SNX22: variants seen among roughly 807,000 people sequenced by gnomAD.
The protein encoded by SNX22 is sorting nexin-22.
A neutral mutation model predicts 24.7 loss-of-function variants in SNX22; 23 were observed. That is an observed-to-expected ratio of 0.93 (90% CI 0.67 to 1.32). The LOEUF (loss-of-function observed/expected upper bound fraction) is 1.32. Among genes scored for constraint, SNX22 ranks in the 40% most tolerant of loss-of-function variants. SNX22 has a pLI of 0.00. For synonymous variants in SNX22, 99 were observed against 104.0 expected, an observed-to-expected ratio of 0.95 and a Z score of 0.29; for missense variants, 261 against 249.9, an observed-to-expected ratio of 1.04 and a Z score of -0.30.
chr15:64,152,748 C>A lies in SNX22; in HGVS notation c.264+6C>A, dbSNP rs1381840468. 7 of 1,612,998 alleles carry A rather than the reference C, an allele frequency of 4.3e-6. No homozygotes were observed. In the African/African-American group the frequency reaches 8.0e-5, roughly 18 times the overall value. ...GCTTGGAGGCTTACATCCAGGTATG[C>A]GAGAGCACAGTTGGTTGCCCCCCGG... On this transcript the variant is annotated splice_donor_region_variant and intron_variant, in intron 3 of 6. Transcript: ENST00000325881.
At position 64,153,958 on chromosome 15, in the gene SNX22, T is replaced by C. The variant is rs781613508; in HGVS notation, c.416T>C (p.Val139Ala). 8.1e-6 allele frequency: 13 copies of C among 1,613,620 alleles called. No individual in the cohort carries two copies. Among genetic ancestry groups the C allele is most frequent in the Non-Finnish European group, 1.7e-6 (2 of 1,179,946 alleles). ...AGCTCCCAGCAGCACCAGCGGCCTG[T>C]CCTGAGCTTCCATGTGGATCCCTAT... ...DSSSQQHQRP[V>A]LSFHVDPYVC... is the part of the protein sequence containing the mutation. Residue 139 changes from valine to alanine, a missense_variant, in exon 6 of 7, where the codon GTC becomes GCC. Coordinates refer to ENST00000325881, the MANE Select transcript of SNX22 (RefSeq NM_024798.3).
chr15:64,152,689 T>G lies in SNX22; in HGVS notation c.211T>G (p.Trp71Gly). 1 of 1,614,180 alleles carries G rather than the reference T, an allele frequency of 6.2e-7. No individual in the cohort carries two copies. The highest frequency in any genetic ancestry group is 1.3e-5 in the African/African-American group (1 of 75,050). Residue 71 changes from tryptophan (W) to glycine (G), a missense_variant, in exon 3 of 7, where the codon TGG (tryptophan) becomes GGG (glycine). Trp to Gly is a radical substitution (Grantham distance 184). Coordinates refer to ENST00000325881, the MANE Select transcript of SNX22 (RefSeq NM_024798.3). ...PDFPSKRLPNWRTRGLEQRRQ... is the reference protein window; with the variant it reads ...PDFPSKRLPNGRTRGLEQRRQ... ...CTTCCCCTCGAAACGCCTGCCCAAC[T>G]GGAGGACCAGAGGGTTGGAACAGCG... is the stretch of plus-strand genomic sequence containing the variant.
intron 2 of SNX22, 121 bp downstream of exon 2, chr15:64,152,447 G>A (rs1022082676): frequency 1.4e-5 from 18 of 1,279,820 alleles, no homozygotes; most frequent in African/African-American, 3.0e-5. Context: ...CTCAGTCCCT[G>A]CGCAGCCGGT....
Position 64,154,014 on chromosome 15 carries a change from C to A in SNX22, c.460+12C>A, listed in dbSNP as rs2081507380. 6.2e-7 allele frequency: 1 copy of A among 1,614,108 alleles called. No homozygotes were observed. Among genetic ancestry groups the A allele is most frequent in the East Asian group, 2.2e-5 (1 of 44,878 alleles). On this transcript the variant is annotated intron_variant, in intron 6 of 6. Transcript: ENST00000325881. ...CAACCCCTCCCCAGGTGAGGAGGTG[C>A]CTAGATATGGGGCTACAGGGCTGGG... is the stretch of plus-strand genomic sequence containing the variant.
chr15:64,156,774 G>T lies in SNX22; in HGVS notation c.*2266G>T. 1.2e-6 allele frequency: 2 copies of T among 1,614,182 alleles called. No individual in the cohort carries two copies. The highest frequency in any genetic ancestry group is 1.7e-6 in the Non-Finnish European group (2 of 1,180,040). ...CACCACATGCTTGCCATCTAGCCAG[G>T]CTGTCTTGACTGTCGTGATGAAGAA... is the stretch of plus-strand genomic sequence containing the variant. On this transcript the variant is annotated 3_prime_UTR_variant, in exon 7 of 7. Transcript: ENST00000325881. The surrounding 1 kb of genome is among the most constrained non-coding windows in gnomAD (Gnocchi z 6.4).
Position 64,154,442 on chromosome 15 carries a change from C to T in SNX22, c.516C>T (p.Ser172=), listed in dbSNP as rs975879038. Residue 172 remains serine, a synonymous_variant, in exon 7 of 7, where the codon AGC becomes AGT. Coordinates refer to ENST00000325881, the MANE Select transcript of SNX22 (RefSeq NM_024798.3). Reference sequence around the variant, plus strand: ...TGCTCCAGGGCCTCTACAGCTTCAGCATCAGCCCAGATAAAGCCCAGCCAA... The same window carrying T: ...TGCTCCAGGGCCTCTACAGCTTCAGTATCAGCCCAGATAAAGCCCAGCCAA... ...NGVLQGLYSF[S]ISPDKAQPKA... is the part of the protein sequence containing the mutation. The T allele has an allele frequency of 3.7e-6, 6 of 1,614,050 alleles. No individual in the cohort carries two copies. In the African/African-American group the frequency reaches 5.3e-5, roughly 14 times the overall value.
rs572867609 is a variant in SNX22, at chr15:64,154,665, G to A, written c.*157G>A. 8.7e-5 allele frequency: 81 copies of A among 935,176 alleles called. No individual in the cohort carries two copies. The highest frequency in any genetic ancestry group is 4.3e-4 in the East Asian group (17 of 39,394). 57.9% of individuals were successfully genotyped at this position (935,176 alleles called of 1,614,324 possible). A position where few individuals can be genotyped will look rare whatever the true frequency, so the allele number is the denominator to read the frequency against. On this transcript the variant is annotated 3_prime_UTR_variant, in exon 7 of 7. Coordinates refer to ENST00000325881, the MANE Select transcript of SNX22 (RefSeq NM_024798.3). ...CCACTCAAGGCTCAGAACTTGGCTC[G>A]CATTGGTAGCTGGAGGTGGTAGAAT...
rs2081495938 is a variant in SNX22 at position 64,152,686 on chromosome 15, A to C, written c.208A>C (p.Asn70His). The C allele has an allele frequency of 6.2e-7, 1 of 1,614,176 alleles. No homozygotes were observed. Among genetic ancestry groups the C allele is most frequent in the East Asian group, 2.2e-5 (1 of 44,876 alleles). Residue 70 changes from asparagine to histidine, a missense_variant, in exon 3 of 7, where the codon AAC becomes CAC. Transcript: ENST00000325881. Reference sequence around the variant, plus strand: ...CGACTTCCCCTCGAAACGCCTGCCCAACTGGAGGACCAGAGGGTTGGAACA... The same window carrying C: ...CGACTTCCCCTCGAAACGCCTGCCCCACTGGAGGACCAGAGGGTTGGAACA... Reference protein sequence around the residue: ...VPDFPSKRLPNWRTRGLEQRR... With the variant: ...VPDFPSKRLPHWRTRGLEQRR...
At position 64,151,804 on chromosome 15, in the gene SNX22, G is replaced by A. The variant is rs1294182865; in HGVS notation, c.29G>A (p.Gly10Glu). Residue 10 changes from glycine (G) to glutamate (E), a missense_variant, in exon 1 of 7, where the codon GGG (glycine) becomes GAG (glutamate). Gly to Glu is a moderately conservative substitution (Grantham distance 98). Coordinates refer to ENST00000325881, the MANE Select transcript of SNX22 (RefSeq NM_024798.3). ...CTGGAAGTTCACATCCCGTCGGTGG[G>A]GCCCGAGGCCGAGGGGCCCAGGCAG... is the stretch of plus-strand genomic sequence containing the variant. The part of the protein sequence containing the change: MLEVHIPSV[G>E]PEAEGPRQSP... The A allele has an allele frequency of 4.6e-6, 7 of 1,538,122 alleles. No homozygotes were observed. The African/African-American group carries it at 7.0e-5, about 15-fold the overall frequency.
chr15:64,152,530 TC>T, intron 2 of SNX22, 107 bp from the exon 3 acceptor site: 2 of 1,280,182 alleles, frequency 1.6e-6, no homozygotes, highest in South Asian at 1.3e-5. Flanking sequence ...CCAGGGTCTG[TC>T]CCAGTAGAGC....
At position 64,152,193 on chromosome 15, in the gene SNX22, T is replaced by A. The variant is rs543378803; in HGVS notation, c.76-50T>A. The A allele has an allele frequency of 1.2e-5, 16 of 1,354,366 alleles. No individual in the cohort carries two copies. In the South Asian group the frequency reaches 2.6e-4, roughly 22 times the overall value. The allele number at this position is 1,354,366 out of a possible 1,614,324, so 83.9% of individuals were successfully genotyped here. On this transcript the variant is annotated intron_variant, in intron 1 of 6. Coordinates refer to ENST00000325881, the MANE Select transcript of SNX22 (RefSeq NM_024798.3). Reference sequence around the variant, plus strand: ...GTCGCCAGGCGCAGGTGCTGCGGCGTCCTCCCGCGGGGCCTCACGCGCAGA... The same window carrying A: ...GTCGCCAGGCGCAGGTGCTGCGGCGACCTCCCGCGGGGCCTCACGCGCAGA...
intron 1 of SNX22, 70 bp downstream of exon 1, chr15:64,151,920 G>C: frequency 7.1e-7 from 1 of 1,413,032 alleles, no homozygotes; most frequent in Non-Finnish European, 9.4e-7. Flanking sequence ...GCTCAGTGGG[G>C]ACCCGGGGCC....
chr15:64,153,190 G>A, intron 3 of SNX22, 55 bp from the exon 4 acceptor site: 1 of 1,604,554 alleles, frequency 6.2e-7, no homozygotes, highest in South Asian at 1.1e-5. Flanking sequence ...CACTGGCACT[G>A]CGCTATGCAA....
chr15:64,152,853 T>C (rs2081497567), intron 3 of SNX22, 111 bp downstream of exon 3: 8 of 869,372 alleles, frequency 9.2e-6, no homozygotes, highest in Middle Eastern at 2.4e-4. Context: ...GGGGATGTTA[T>C]TCACCACCTC....
chr15:64,152,422 C>T (rs2081493462), intron 2 of SNX22, 96 bp downstream of exon 2: 1 of 1,341,572 alleles, frequency 7.5e-7, no homozygotes, highest in Non-Finnish European at 1.0e-6. Flanking sequence ...CAGCCTCCGC[C>T]ACCCCCATTA....
At chr15:64,151,908 G>A in intron 1 of SNX22, 58 bp downstream of exon 1, 1 of 1,463,818 alleles carries the variant, frequency 6.8e-7, no homozygotes, top group Non-Finnish European at 9.1e-7. Context: ...TCCCCGCGCT[G>A]CGCTCAGTGG....
chr15:64,154,060 G>A (rs1195688789), intron 6 of SNX22, 58 bp downstream of exon 6: 14 of 1,613,706 alleles, frequency 8.7e-6, no homozygotes, highest in African/African-American at 2.7e-5. Flanking sequence ...TGCATTTCTC[G>A]GCTCCTGGGA....
In SNX22 at chr15:64,156,270, G is replaced by T; in HGVS notation, c.*1762G>T. 7.9e-7 allele frequency: 1 copy of T among 1,268,484 alleles called. No homozygotes were observed. The highest frequency in any genetic ancestry group is 1.1e-6 in the Non-Finnish European group (1 of 892,702). The allele number at this position is 1,268,484 out of a possible 1,614,324, so 78.6% of individuals were successfully genotyped here. A position where few individuals can be genotyped will look rare whatever the true frequency, so the allele number is the denominator to read the frequency against. ...AAGTGATCAACAGCACACAAAACTG[G>T]AGGCACCAAAATTCTAACAGACTCC... On this transcript the variant is annotated 3_prime_UTR_variant, in exon 7 of 7. Transcript: ENST00000325881. The surrounding 1 kb of genome is among the most constrained non-coding windows in gnomAD (Gnocchi z 6.4).
chr15:64,152,900 A>AC, intron 3 of SNX22, 158 bp downstream of exon 3: 2 of 646,030 alleles, frequency 3.1e-6, no homozygotes, highest in South Asian at 1.9e-5. Context: ...AGGTCCAAAC[A>AC]CCCCCCTCTG....
Sources: allele counts gnomAD v4.1 joint callset, GRCh38; gene constraint gnomAD v4.1.1; non-coding constraint Gnocchi (gnomAD v3.1); transcripts MANE v1.5; gene names NCBI Gene and HGNC (gene_info 2026-07-23, HGNC 2026-07-21).